The following GAB3 variants were observed in gnomAD, a reference collection of about 807,000 sequenced individuals.
GAB3 encodes the protein GRB2-associated-binding protein 3.
Under a neutral mutation model 40.4 loss-of-function variants are expected in GAB3, and 12 were observed. The observed-to-expected ratio is 0.30, with a 90% CI of 0.19 to 0.48. The LOEUF is 0.48. Among genes scored for constraint, GAB3 ranks in the 20% least tolerant of loss-of-function variants. The pLI is 0.99. For missense variants in GAB3, 381 were observed against 461.9 expected (o/e 0.82, Z 1.61); for synonymous variants, 154 against 176.7 (o/e 0.87, Z 1.02).
At chrX:154,718,030 A>G in intron 1 of GAB3, among the ~76,000 whole-genome samples, 1 of 111,428 alleles carries the variant, frequency 9.0e-6, no homozygotes, top group East Asian at 2.8e-4. Flanking sequence ...GTGTGACAGC[A>G]GGAAGTGTGG....
intron 8 of GAB3, 57 bp from the exon 9 acceptor site, chrX:154,680,305 G>A (rs1176491906): frequency 9.5e-6 from 8 of 845,461 alleles, no homozygotes; most frequent in South Asian, 2.3e-5. Flanking sequence ...TTGCTCAAGG[G>A]AAGGAGGGCA....
At chrX:154,693,666 C>T (rs73575262) in intron 8 of GAB3, among the ~76,000 whole-genome samples, 2,103 of 111,226 alleles carry the variant, frequency 0.019, 42 homozygotes, top group African/African-American at 0.064. Flanking sequence ...GTGGTGGTTA[C>T]GCAAATCTCT....
At chrX:154,716,433 A>G (rs2071047631) in intron 1 of GAB3, 104 bp from the exon 2 acceptor site, 4 of 739,822 alleles carry the variant, frequency 5.4e-6, no homozygotes, top group Non-Finnish European at 7.7e-6. Context: ...AAGGAAACAA[A>G]TCAGCCATTC....
chrX:154,718,071 G>A (rs1400402815), intron 1 of GAB3, among the ~76,000 whole-genome samples: 2 of 110,993 alleles, frequency 1.8e-5, no homozygotes, highest in African/African-American at 6.6e-5. Context: ...CGACCCCTGG[G>A]ACAGGAAGTC....
intron 1 of GAB3, among the ~76,000 whole-genome samples, chrX:154,747,790 T>C (rs2071551005): frequency 8.9e-6 from 1 of 112,604 alleles, no homozygotes; most frequent in African/African-American, 3.2e-5. Flanking sequence ...GATTTAACAT[T>C]AAATCCATGA....
At position 154,712,306 on chromosome X, in the gene GAB3, C is replaced by T. The variant is rs201291863; in HGVS notation, c.992G>A (p.Gly331Asp). The change falls in exon 4 of 10, where the codon GGT becomes GAT. Residue 331 changes from glycine (G) to aspartate (D), a missense_variant. Gly to Asp is a moderately conservative substitution (Grantham distance 94, BLOSUM62 -1). This residue lies in a region of GAB3 where 364 missense variants were observed against 421.0 expected (regional missense o/e 0.86). Transcript: ENST00000424127. ...CAGAGTGCATTCTGGCTTCTTGCTA[C>T]CACTGTGTGTACTCCACTCCTCTTG... The part of the protein sequence containing the change: ...RRQEEWSTHS[G>D]SKKPECTLVP... 153 of 1,209,116 alleles carry T rather than the reference C, an allele frequency of 1.3e-4. 1 individual carries two copies. Among genetic ancestry groups the T allele is most frequent in the Non-Finnish European group, 1.7e-4 (150 of 894,587 alleles).
At chrX:154,685,388 G>T (rs1557247584) in intron 8 of GAB3, among the ~76,000 whole-genome samples, 1 of 110,634 alleles carries the variant, frequency 9.0e-6, no homozygotes, top group Non-Finnish European at 1.9e-5. Flanking sequence ...ACTTAAAAAT[G>T]TATCATATTT....
rs782779647 is a variant in GAB3, at chrX:154,686,135, G to A, written c.1531-5887C>T. On this transcript the variant is annotated intron_variant, in intron 8 of 9. Transcript: ENST00000424127. ...GGAGAGAACACTTCCTGAGGAGCCC[G>A]GCATGACCTTAATACCAAAACCACA... Among the ~76,000 whole-genome samples the A allele has an allele frequency of 3.6e-5, 4 of 111,384 alleles. No homozygotes were observed. The East Asian group carries it at 8.4e-4, about 23-fold the overall frequency.
chrX:154,730,536 G>A (rs1388347357), intron 1 of GAB3, among the ~76,000 whole-genome samples: 1 of 112,071 alleles, frequency 8.9e-6, no homozygotes, highest in Non-Finnish European at 1.9e-5. Flanking sequence ...CTGATCTCCC[G>A]TTCTCTGCCC....
At chrX:154,708,350 A>G (rs2070848496) in intron 4 of GAB3, among the ~76,000 whole-genome samples, 1 of 112,522 alleles carries the variant, frequency 8.9e-6, no homozygotes, top group Non-Finnish European at 1.9e-5. Context: ...TTCCAAATGC[A>G]CAGGCAAAAA....
chrX:154,678,058 T>G lies in GAB3; in HGVS notation c.*120A>C. On this transcript the variant is annotated 3_prime_UTR_variant, in exon 10 of 10. Coordinates refer to ENST00000424127, the MANE Select transcript of GAB3 (RefSeq NM_001081573.3). ...GACCTTGAAAACTACACATTCTCTC[T>G]TGGTTTTGACCTGTGTTGACCATCA... 2 of 445,090 alleles carry G rather than the reference T, an allele frequency of 4.5e-6. No individual in the cohort carries two copies. The highest frequency in any genetic ancestry group is 3.6e-4 in the Middle Eastern group (1 of 2,766). The allele number at this position is 445,090 out of a possible 1,213,427, so 36.7% of individuals were successfully genotyped here.
chrX:154,715,164 G>A (rs1011507887), intron 2 of GAB3, among the ~76,000 whole-genome samples: 6 of 111,964 alleles, frequency 5.4e-5, no homozygotes, highest in Non-Finnish European at 1.9e-5. Flanking sequence ...GCAGATGGTG[G>A]AAACCATGCA....
intron 1 of GAB3, among the ~76,000 whole-genome samples, chrX:154,740,397 T>G (rs782198371): frequency 3.6e-5 from 4 of 112,451 alleles, no homozygotes; most frequent in Admixed American, 9.4e-5. Context: ...GGAATATATC[T>G]GAAAAGAAAA....
At chrX:154,695,791 T>C (rs1250404213) in intron 8 of GAB3, 126 bp downstream of exon 8, 1 of 393,573 alleles carries the variant, frequency 2.5e-6, no homozygotes, top group Non-Finnish European at 4.5e-6. Context: ...GTGGCCTGGT[T>C]TTACGATCAA....
chrX:154,720,444 G>A (rs1557258473), intron 1 of GAB3, among the ~76,000 whole-genome samples: 1 of 110,409 alleles, frequency 9.1e-6, no homozygotes, highest in African/African-American at 3.3e-5. Context: ...GGCTAACACA[G>A]TGAAACCCCG....
At chrX:154,700,475 A>G (rs1394665727) in intron 4 of GAB3, among the ~76,000 whole-genome samples, 1 of 111,153 alleles carries the variant, frequency 9.0e-6, no homozygotes, top group Admixed American at 9.6e-5. Context: ...ACTCAGGTAG[A>G]CGCATGGAGA....
chrX:154,729,275 G>A (rs2071259012), intron 1 of GAB3, among the ~76,000 whole-genome samples: 1 of 112,039 alleles, frequency 8.9e-6, no homozygotes, highest in African/African-American at 3.2e-5. Flanking sequence ...TAATCCAAAG[G>A]CACCCATGAT....
At chrX:154,709,178 G>A (rs5945231) in intron 4 of GAB3, among the ~76,000 whole-genome samples, 50,255 of 110,398 alleles carry the variant, frequency 0.46, 10,023 homozygotes, top group East Asian at 0.71. Context: ...TGTAAGACAT[G>A]CTTCCTTCCT....
At chrX:154,704,448 T>G (rs2070778803) in intron 4 of GAB3, among the ~76,000 whole-genome samples, 1 of 111,910 alleles carries the variant, frequency 8.9e-6, no homozygotes, top group Non-Finnish European at 1.9e-5. Flanking sequence ...ATGATGTGAT[T>G]ATTTCACATT....
Sources: allele counts gnomAD v4.1 joint callset (sites outside exome capture counted in the v4.1 genomes callset), GRCh38; gene constraint gnomAD v4.1.1; regional missense constraint gnomAD v4.1.1; transcripts MANE v1.5; gene names NCBI Gene and HGNC (gene_info 2026-07-23, HGNC 2026-07-21).